The following MMP26 variants were observed in gnomAD, a reference collection of about 807,000 sequenced individuals.
MMP26 encodes the protein matrix metallopeptidase 26.
A neutral mutation model predicts 31.0 loss-of-function variants in MMP26; 33 were observed. That is an observed-to-expected ratio of 1.06 (90% confidence interval 0.81 to 1.42). The LOEUF (loss-of-function observed/expected upper bound fraction) is 1.42. Ranked by LOEUF, MMP26 falls within the 40% of genes most tolerant of loss-of-function variation. The probability of loss-of-function intolerance (pLI) is 0.00; values close to 1 mark genes in which losing one functional copy is unlikely to be tolerated. For synonymous variants in MMP26, 122 were observed against 114.9 expected, an observed-to-expected ratio of 1.06 and a Z score of -0.40; for missense variants, 347 against 316.1, an observed-to-expected ratio of 1.10 and a Z score of -0.74.
chr11:4,783,563 C>T (rs71480719), intron 2 of MMP26, among the ~76,000 whole-genome samples: 14,426 of 152,120 alleles, frequency 0.095, 853 homozygotes, highest in Middle Eastern at 0.15. Flanking sequence ...AGCTAAGACT[C>T]TGTGGGACTG....
intron 2 of MMP26, chr11:4,972,945 A>G (rs1350980153): frequency 6.6e-6 from 1 of 152,260 alleles, no homozygotes; most frequent in African/African-American, 2.4e-5. Context: ...CATCCGCTTC[A>G]GCTTTGCTTC....
At chr11:4,745,578 C>G (rs1345242413) in intron 1 of MMP26, among the ~76,000 whole-genome samples, 3 of 152,138 alleles carry the variant, frequency 2.0e-5, no homozygotes, top group Admixed American at 6.6e-5. Flanking sequence ...TTTGTACGTT[C>G]GTCACTATCT....
intron 2 of MMP26, among the ~76,000 whole-genome samples, chr11:4,965,357 C>T (rs1296336970): frequency 6.6e-6 from 1 of 152,020 alleles, no homozygotes; most frequent in Non-Finnish European, 1.5e-5. Context: ...CCTAAAGGAG[C>T]AATTTGATGA....
At chr11:4,802,762 C>G (rs1209724137) in intron 2 of MMP26, among the ~76,000 whole-genome samples, 1 of 152,062 alleles carries the variant, frequency 6.6e-6, no homozygotes, top group Non-Finnish European at 1.5e-5. Flanking sequence ...CGTACGTATT[C>G]CAGTATAGAA....
chr11:4,840,554 C>T (rs1849780135), intron 2 of MMP26, among the ~76,000 whole-genome samples: 2 of 152,158 alleles, frequency 1.3e-5, no homozygotes, highest in African/African-American at 2.4e-5. Context: ...GAGAATATTC[C>T]ATATTTTGTC....
intron 2 of MMP26, among the ~76,000 whole-genome samples, chr11:4,895,733 G>A (rs116631319): frequency 0.1 from 15,209 of 152,156 alleles, 970 homozygotes; most frequent in Middle Eastern, 0.26. Flanking sequence ...AGATCAGCCT[G>A]GGCAACATAG....
At chr11:4,734,912 C>T (rs868468311) in intron 1 of MMP26, among the ~76,000 whole-genome samples, 7 of 148,994 alleles carry the variant, frequency 4.7e-5, no homozygotes, top group African/African-American at 1.5e-4. Flanking sequence ...GTGATGGGTC[C>T]CCAGTATTCT....
chr11:4,911,950 T>G (rs2133570435), intron 2 of MMP26, among the ~76,000 whole-genome samples: 1 of 152,310 alleles, frequency 6.6e-6, no homozygotes, highest in East Asian at 1.9e-4. Context: ...CCCAACTAAC[T>G]TCTGCTTATA....
chr11:4,823,386 C>A (rs1211006053), intron 2 of MMP26, among the ~76,000 whole-genome samples: 1 of 152,122 alleles, frequency 6.6e-6, no homozygotes, highest in Non-Finnish European at 1.5e-5. Flanking sequence ...CTTCAGACAA[C>A]TTCTCCCCCA....
intron 1 of MMP26, among the ~76,000 whole-genome samples, chr11:4,714,720 T>C (rs1847903165): frequency 6.6e-6 from 1 of 152,116 alleles, no homozygotes; most frequent in African/African-American, 2.4e-5. Context: ...ACTTACTCTG[T>C]AATCAGAGAA....
chr11:4,754,670 T>C (rs560406504), intron 1 of MMP26, among the ~76,000 whole-genome samples: 66 of 152,144 alleles, frequency 4.3e-4, no homozygotes, highest in African/African-American at 1.6e-3. Context: ...TACTTACTTA[T>C]AGCTGTAGAT....
intron 2 of MMP26, among the ~76,000 whole-genome samples, chr11:4,856,304 A>G (rs1392081901): frequency 6.6e-6 from 1 of 152,240 alleles, no homozygotes; most frequent in Non-Finnish European, 1.5e-5. Context: ...AAGACCCATC[A>G]GTGTGCTGTA....
intron 1 of MMP26, among the ~76,000 whole-genome samples, chr11:4,708,157 G>T (rs1039206116): frequency 6.6e-6 from 1 of 152,184 alleles, no homozygotes; most frequent in African/African-American, 2.4e-5. Flanking sequence ...CGTATGTAAA[G>T]TCACAGGTGA....
chr11:4,724,011 A>G, intron 1 of MMP26: 1 of 701,506 alleles, frequency 1.4e-6, no homozygotes, highest in Non-Finnish European at 2.6e-6. Flanking sequence ...TGGACCCACC[A>G]TAACCTCCAC....
chr11:4,749,922 A>G (rs745841171), intron 1 of MMP26, among the ~76,000 whole-genome samples: 3 of 152,132 alleles, frequency 2.0e-5, no homozygotes, highest in Non-Finnish European at 2.9e-5. Flanking sequence ...AAACAAAAAT[A>G]GATAAAGGGG....
At chr11:4,798,496 T>C (rs1271024852) in intron 2 of MMP26, among the ~76,000 whole-genome samples, 1 of 152,236 alleles carries the variant, frequency 6.6e-6, no homozygotes, top group Non-Finnish European at 1.5e-5. Flanking sequence ...TTTTAGGTCT[T>C]TACTGACATG....
chr11:4,939,305 C>G (rs1401873523), intron 2 of MMP26, among the ~76,000 whole-genome samples: 1 of 151,994 alleles, frequency 6.6e-6, no homozygotes, highest in Non-Finnish European at 1.5e-5. Flanking sequence ...TAATAATTTC[C>G]CCCATTCTTC....
intron 2 of MMP26, among the ~76,000 whole-genome samples, chr11:4,886,444 C>T (rs1414400285): frequency 6.6e-6 from 1 of 152,018 alleles, no homozygotes; most frequent in African/African-American, 2.4e-5. Flanking sequence ...CTGTTAATTC[C>T]GGTAAACATA....
At chr11:4,813,396 A>T (rs1849377274) in intron 2 of MMP26, among the ~76,000 whole-genome samples, 1 of 151,756 alleles carries the variant, frequency 6.6e-6, no homozygotes, top group Non-Finnish European at 1.5e-5. Flanking sequence ...TTATTTATTT[A>T]TTTATTTTTT....
Sources: gnomAD v4.1 joint callset for allele counts (sites outside exome capture counted in the v4.1 genomes callset) on GRCh38, gnomAD v4.1.1 for gene constraint, MANE v1.5 for transcripts, NCBI Gene and HGNC (gene_info 2026-07-23, HGNC 2026-07-21) for gene names.